TMEM217B: variants seen among roughly 807,000 people sequenced by gnomAD.
TMEM217B encodes the protein putative transmembrane protein 217B.
the TMEM217B span, among the ~76,000 whole-genome samples, chr6:37,252,057 C>A: frequency 6.6e-6 from 1 of 152,148 alleles, no homozygotes; most frequent in African/African-American, 2.4e-5. Flanking sequence ...CCATGCCCAG[C>A]TAATTTTGTA....
the TMEM217B span, among the ~76,000 whole-genome samples, chr6:37,228,792 T>C: frequency 6.6e-6 from 1 of 151,554 alleles, no homozygotes; most frequent in African/African-American, 2.4e-5. Context: ...GGTCAGGAGA[T>C]CGAGACCATC....
At chr6:37,222,765 T>G in the TMEM217B span, among the ~76,000 whole-genome samples, 1 of 152,156 alleles carries the variant, frequency 6.6e-6, no homozygotes, top group Non-Finnish European at 1.5e-5. Context: ...GGTCTACGGC[T>G]TTGGTTTGGG....
the TMEM217B span, among the ~76,000 whole-genome samples, chr6:37,245,324 C>CA: frequency 6.6e-6 from 1 of 152,262 alleles, no homozygotes; most frequent in Non-Finnish European, 1.5e-5. Context: ...AGAGGCTCAG[C>CA]ACCAGATCCT....
chr6:37,241,927 G>C, the TMEM217B span, among the ~76,000 whole-genome samples: 1 of 151,666 alleles, frequency 6.6e-6, no homozygotes, highest in African/African-American at 2.4e-5. Flanking sequence ...TGGCTTTATC[G>C]CGTTGTCTTT....
At chr6:37,219,042 C>A in the TMEM217B span, 1 of 1,606,754 alleles carries the variant, frequency 6.2e-7, no homozygotes, top group Non-Finnish European at 8.5e-7. Flanking sequence ...CTGAGACCTC[C>A]TGTGAAGACA....
the TMEM217B span, among the ~76,000 whole-genome samples, chr6:37,232,400 T>TTTTG: frequency 5.0e-4 from 75 of 151,362 alleles, no homozygotes; most frequent in African/African-American, 1.8e-3. Flanking sequence ...GTTTTCTTTT[T>TTTTG]TTTGAGACGG....
At chr6:37,228,244 A>AG in the TMEM217B span, among the ~76,000 whole-genome samples, 3 of 152,212 alleles carry the variant, frequency 2.0e-5, no homozygotes, top group Non-Finnish European at 4.4e-5. Context: ...AAGAAAAAAA[A>AG]GAAAGAAAAA....
the TMEM217B span, among the ~76,000 whole-genome samples, chr6:37,252,639 T>TATA: frequency 3.0e-4 from 13 of 43,218 alleles, no homozygotes; most frequent in South Asian, 1.4e-3. Context: ...ATATATATAT[T>TATA]TTTTTTTTTT....
At chr6:37,252,611 GTGTGTGTATATATA>G in the TMEM217B span, among the ~76,000 whole-genome samples, 48 of 91,418 alleles carry the variant, frequency 5.3e-4, 1 homozygote, top group South Asian at 3.8e-3. Flanking sequence ...GTGTGTGTAT[GTGTGTGTATATATA>G]TATATATATA....
At chr6:37,249,146 C>A in the TMEM217B span, among the ~76,000 whole-genome samples, 1 of 152,152 alleles carries the variant, frequency 6.6e-6, no homozygotes, top group East Asian at 1.9e-4. Flanking sequence ...GTTAAAGATC[C>A]TTTTTCTGAA....
the TMEM217B span, chr6:37,215,072 C>T: frequency 1.6e-6 from 2 of 1,271,878 alleles, no homozygotes; most frequent in Admixed American, 2.4e-5. Context: ...GGTTCCACAG[C>T]TCTGCTGCCC....
chr6:37,222,800 T>C, the TMEM217B span, among the ~76,000 whole-genome samples: 39 of 152,162 alleles, frequency 2.6e-4, no homozygotes, highest in Non-Finnish European at 5.4e-4. Context: ...CCCGGTGAGT[T>C]CCCGACTTAA....
chr6:37,227,907 G>GA, the TMEM217B span, among the ~76,000 whole-genome samples: 1 of 151,496 alleles, frequency 6.6e-6, no homozygotes, highest in Non-Finnish European at 1.5e-5. Flanking sequence ...AAGTTTTTAG[G>GA]AAAAAAATGA....
At chr6:37,251,580 GATGTT>G in the TMEM217B span, among the ~76,000 whole-genome samples, 1 of 152,166 alleles carries the variant, frequency 6.6e-6, no homozygotes, top group South Asian at 2.1e-4. Context: ...TGTACAGTAT[GATGTT>G]ATTTATAAAG....
At chr6:37,219,164 A>C in the TMEM217B span, 1 of 847,586 alleles carries the variant, frequency 1.2e-6, no homozygotes. Context: ...GAAAACTGGG[A>C]AACTATAGCC....
chr6:37,212,658 G>A, the TMEM217B span: 1 of 569,100 alleles, frequency 1.8e-6, no homozygotes, highest in Admixed American at 2.2e-5. Flanking sequence ...TGAGGAGCAG[G>A]ACTATGGAGA....
At chr6:37,251,935 C>T in the TMEM217B span, among the ~76,000 whole-genome samples, 1 of 152,012 alleles carries the variant, frequency 6.6e-6, no homozygotes, top group Non-Finnish European at 1.5e-5. Flanking sequence ...CTCTTGTTGC[C>T]CAGGCTGGAG....
chr6:37,220,409 G>A, the TMEM217B span, among the ~76,000 whole-genome samples: 3 of 152,134 alleles, frequency 2.0e-5, no homozygotes, highest in African/African-American at 4.8e-5. Context: ...AAAGGCCTAC[G>A]ATTAGGGGAA....
chr6:37,251,571 G>A, the TMEM217B span, among the ~76,000 whole-genome samples: 1 of 152,198 alleles, frequency 6.6e-6, no homozygotes, highest in Admixed American at 6.5e-5. Context: ...TGAAGCATAT[G>A]TACAGTATGA....
Sources: allele counts gnomAD v4.1 joint callset (sites outside exome capture counted in the v4.1 genomes callset), GRCh38; gene constraint gnomAD v4.1.1; transcripts MANE v1.5; gene names NCBI Gene and HGNC (gene_info 2026-07-23, HGNC 2026-07-21).